Variants in ZDHHC9 observed in about 807,000 individuals in gnomAD.
The protein encoded by ZDHHC9 is palmitoyltransferase ZDHHC9.
Under a neutral mutation model 26.6 loss-of-function variants are expected in ZDHHC9, and 3 were observed. The observed-to-expected ratio is 0.11, with a 90% CI of 0.05 to 0.29. ZDHHC9 has a LOEUF of 0.29. Among genes scored for constraint, ZDHHC9 ranks in the 10% least tolerant of loss-of-function variants. The pLI, the probability that ZDHHC9 is intolerant of heterozygous loss-of-function variation, is 1.00. For synonymous variants in ZDHHC9, 111 were observed against 109.4 expected, an observed-to-expected ratio of 1.01 and a Z score of -0.09; for missense variants, 146 against 296.4, an observed-to-expected ratio of 0.49 and a Z score of 3.73.
intron 3 of ZDHHC9, among the ~76,000 whole-genome samples, chrX:129,838,155 C>A (rs1376935423): frequency 8.9e-6 from 1 of 112,454 alleles, no homozygotes; most frequent in Non-Finnish European, 1.9e-5. Context: ...ATTTTTCACT[C>A]TGCTTTTAAA....
chrX:129,811,060 C>T, intron 9 of ZDHHC9, 59 bp from the exon 10 acceptor site: 2 of 1,063,262 alleles, frequency 1.9e-6, no homozygotes, highest in Non-Finnish European at 2.6e-6. Flanking sequence ...CCCACCTGGC[C>T]TACGGAATTT....
At chrX:129,831,121 C>A (rs1186044979) in intron 3 of ZDHHC9, among the ~76,000 whole-genome samples, 1 of 111,225 alleles carries the variant, frequency 9.0e-6, no homozygotes, top group East Asian at 2.8e-4. Flanking sequence ...TCCACTACTC[C>A]TTTTCACTGG....
rs908598853 is a variant in ZDHHC9 at position 129,816,046 on chromosome X, T to G, written c.488-1251A>C. ...CTGCAGAACCCACGGATAAGAAAAG[T>G]TGCCCCTCATGTACACAGGTTTTGC... On this transcript the variant is annotated intron_variant, in intron 5 of 10. Transcript: ENST00000357166. 6.3e-5 allele frequency among the ~76,000 whole-genome samples: 7 copies of G among 111,233 alleles called. No individual in the cohort carries two copies. The Admixed American group carries it at 6.7e-4, about 11-fold the overall frequency.
chrX:129,809,466 G>C (rs1178719139), intron 10 of ZDHHC9, among the ~76,000 whole-genome samples: 1 of 111,753 alleles, frequency 8.9e-6, no homozygotes, highest in African/African-American at 3.3e-5. Context: ...AGTCACAAAA[G>C]ACCACATATT....
chrX:129,815,511 G>A (rs1006716169), intron 5 of ZDHHC9, among the ~76,000 whole-genome samples: 3 of 111,776 alleles, frequency 2.7e-5, no homozygotes, highest in Non-Finnish European at 5.6e-5. Flanking sequence ...AAGCATAAAA[G>A]TACTGGAAGA....
intron 3 of ZDHHC9, among the ~76,000 whole-genome samples, chrX:129,831,331 C>T (rs1472444601): frequency 1.8e-5 from 2 of 111,679 alleles, no homozygotes; most frequent in Non-Finnish European, 1.9e-5. Flanking sequence ...GTCTCCAGGA[C>T]GCAAACTGCC....
rs1928444813 is a variant in ZDHHC9 at position 129,843,875 on chromosome X, C to G, written c.-383G>C. 8.9e-6 allele frequency: 1 copy of G among 112,296 alleles called. No individual in the cohort carries two copies. Among genetic ancestry groups the G allele is most frequent in the East Asian group, 2.9e-4 (1 of 3,499 alleles). 9.3% of individuals were successfully genotyped at this position (112,296 alleles called of 1,213,427 possible). ...AACCAGCTGTGGCAACCGCCCACCA[C>G]TGGCCAAATGGAACGCTCCTCACGT... is the stretch of plus-strand genomic sequence containing the variant. On this transcript the variant is annotated 5_prime_UTR_variant, in exon 1 of 11. Transcript: ENST00000357166.
intron 4 of ZDHHC9, among the ~76,000 whole-genome samples, chrX:129,825,217 C>T (rs1219872780): frequency 3.6e-5 from 4 of 111,125 alleles, no homozygotes; most frequent in African/African-American, 6.5e-5. Context: ...GCAGGAGAAT[C>T]GCTTGAACCT....
chrX:129,819,410 A>C (rs1490525535), intron 5 of ZDHHC9, among the ~76,000 whole-genome samples: 1 of 110,635 alleles, frequency 9.0e-6, no homozygotes, highest in African/African-American at 3.3e-5. Context: ...CATTGTAGAA[A>C]ACTTGAAAAA....
chrX:129,813,013 C>T (rs1360920016), intron 7 of ZDHHC9, among the ~76,000 whole-genome samples, 193 bp from the exon 8 acceptor site: 1 of 112,273 alleles, frequency 8.9e-6, no homozygotes, highest in African/African-American at 3.2e-5. Flanking sequence ...TCTAGCGTAT[C>T]TAGGGTATTT....
rs1285625159 is a variant in ZDHHC9, at chrX:129,803,314, T to G, written c.*3056A>C. 1.8e-5 allele frequency: 2 copies of G among 111,785 alleles called. No individual in the cohort carries two copies. Among genetic ancestry groups the G allele is most frequent in the Non-Finnish European group, 3.8e-5 (2 of 53,124 alleles). The allele number at this position is 111,785 out of a possible 1,213,427, so 9.2% of individuals were successfully genotyped here. A position where few individuals can be genotyped will look rare whatever the true frequency, so the allele number is the denominator to read the frequency against. On this transcript the variant is annotated 3_prime_UTR_variant, in exon 11 of 11. Coordinates refer to ENST00000357166, the MANE Select transcript of ZDHHC9 (RefSeq NM_016032.4). ...ACAAAGAAACAGACAGCCCTGTATTTCTAAAACCATTCAAGGCTCCTTCAT... is the reference window on the plus strand; with the variant it reads ...ACAAAGAAACAGACAGCCCTGTATTGCTAAAACCATTCAAGGCTCCTTCAT...
rs752764915 is a variant in ZDHHC9 at position 129,828,189 on chromosome X, C to A, written c.328+792G>T. Among the ~76,000 whole-genome samples the A allele has an allele frequency of 5.4e-5, 6 of 112,019 alleles. No homozygotes were observed. In the East Asian group the frequency reaches 1.7e-3, roughly 32 times the overall value. ...ATCTATGAATCCCTGAAATTACATA[C>A]AAAATTGTGTACATGTACATGCATA... On this transcript the variant is annotated intron_variant, in intron 4 of 10. Transcript: ENST00000357166.
chrX:129,812,612 C>T, intron 8 of ZDHHC9, 106 bp downstream of exon 8: 1 of 687,045 alleles, frequency 1.5e-6, no homozygotes. Flanking sequence ...TTTCTGCCTG[C>T]CTCAACCTCC....
At chrX:129,841,138 A>G (rs1207425474) in intron 3 of ZDHHC9, among the ~76,000 whole-genome samples, 1 of 111,845 alleles carries the variant, frequency 8.9e-6, no homozygotes, top group East Asian at 2.8e-4. Context: ...CAGTGGCTCG[A>G]GTACGAGGTA....
intron 7 of ZDHHC9, among the ~76,000 whole-genome samples, chrX:129,813,331 G>A (rs183821914): frequency 2.7e-4 from 30 of 111,426 alleles, no homozygotes; most frequent in African/African-American, 8.8e-4. Flanking sequence ...CCCAGGAGGC[G>A]AGCTGGGGCA....
chrX:129,806,411 G>A lies in ZDHHC9; in HGVS notation c.1054C>T (p.Pro352Ser). The change falls in exon 11 of 11, where the codon CCC (proline) becomes TCC (serine). Residue 352 changes from proline (P) to serine (S), a missense_variant. Physicochemically the swap from Pro to Ser is moderately conservative, Grantham distance 74. Around this residue, in one of 2 missense-constraint regions of ZDHHC9, gnomAD observed 46 missense variants for 46.4 expected, o/e 0.99. Transcript: ENST00000357166. ...STPEEMPPPE[P>S]PEPPQEAAEA... ...GCTGCCTCCTGTGGTGGCTCTGGGG[G>A]CTCTGGAGGTGGCATCTCTTCGGGA... 8.3e-7 allele frequency: 1 copy of A among 1,211,720 alleles called. No individual in the cohort carries two copies. The highest frequency in any genetic ancestry group is 1.1e-6 in the Non-Finnish European group (1 of 895,431).
intron 6 of ZDHHC9, 104 bp from the exon 7 acceptor site, chrX:129,813,829 AC>A: frequency 4.0e-6 from 3 of 744,168 alleles, no homozygotes; most frequent in Non-Finnish European, 6.1e-6. Flanking sequence ...CTCCCGTGTT[AC>A]ACACTGGCAA....
chrX:129,808,523 A>T (rs1321269805), intron 10 of ZDHHC9, among the ~76,000 whole-genome samples: 1 of 112,021 alleles, frequency 8.9e-6, no homozygotes, highest in Non-Finnish European at 1.9e-5. Flanking sequence ...AAAAGAAAGA[A>T]TGTGGACCCT....
intron 5 of ZDHHC9, among the ~76,000 whole-genome samples, chrX:129,818,899 G>A (rs1031201844): frequency 9.0e-6 from 1 of 111,280 alleles, no homozygotes; most frequent in Admixed American, 9.6e-5. Flanking sequence ...TGGGCCAGGC[G>A]TGGTGGCTCA....
Sources: allele counts gnomAD v4.1 joint callset (sites outside exome capture counted in the v4.1 genomes callset), GRCh38; gene constraint gnomAD v4.1.1; regional missense constraint gnomAD v4.1.1; transcripts MANE v1.5; gene names NCBI Gene and HGNC (gene_info 2026-07-23, HGNC 2026-07-21).